The following TBC1D9B variants were observed in gnomAD, a reference collection of about 807,000 sequenced individuals.
The protein encoded by TBC1D9B is TBC1 domain family, member 9B (with GRAM domain).
TBC1D9B carries 87 observed loss-of-function variants against 121.1 expected under a neutral mutation model. The observed-to-expected ratio is 0.72, with a 90% CI of 0.60 to 0.86. TBC1D9B has a LOEUF of 0.86. Among genes scored for constraint, TBC1D9B ranks in the 40% least tolerant of loss-of-function variants. The pLI is 0.00. For missense variants in TBC1D9B, 1,540 were observed against 1,628.6 expected, an observed-to-expected ratio of 0.95 and a Z score of 0.94; for synonymous variants, 668 against 670.1, an observed-to-expected ratio of 1.00 and a Z score of 0.05.
At chr5:179,901,765 C>T (rs910539203) in intron 2 of TBC1D9B, among the ~76,000 whole-genome samples, 1 of 152,018 alleles carries the variant, frequency 6.6e-6, no homozygotes, top group African/African-American at 2.4e-5. Flanking sequence ...GAGAACGCCT[C>T]AAAAAAACAT....
Position 179,904,472 on chromosome 5 carries a change from G to A in TBC1D9B, c.229+230C>T, listed in dbSNP as rs1278398418. 9.2e-5 allele frequency among the ~76,000 whole-genome samples: 14 copies of A among 152,026 alleles called. No individual in the cohort carries two copies. Among genetic ancestry groups the A allele is most frequent in the Non-Finnish European group, 1.5e-4 (10 of 67,994 alleles). ...GATCTCCTGACCTCGTGATCAGCCC[G>A]CCTCGGCCTCCCAAAGTGCTGGGAT... On this transcript the variant is annotated intron_variant, in intron 2 of 20. Transcript: ENST00000355235. The surrounding 1 kb of genome is among the most constrained non-coding windows in gnomAD (Gnocchi z 4.2).
rs141821788 is a variant in TBC1D9B at position 179,888,144 on chromosome 5, T to C, written c.1213A>G (p.Ile405Val). Residue 405 changes from isoleucine to valine, a missense_variant, in exon 7 of 21, where the codon ATC becomes GTC. By Grantham distance (29) the Ile-to-Val change is conservative. Coordinates refer to ENST00000355235, the MANE Select transcript of TBC1D9B (RefSeq NM_015043.4). Reference sequence around the variant, plus strand: ...ACAACACTGGCTTTCCTGCTCCCGATACTGCCTGGCTGCTTGGATGGTGTT... The same window carrying C: ...ACAACACTGGCTTTCCTGCTCCCGACACTGCCTGGCTGCTTGGATGGTGTT... ...QKTPSKQPGS[I>V]GSRKASVVDP... 112 of 1,613,762 alleles carry C rather than the reference T, an allele frequency of 6.9e-5. No individual in the cohort carries two copies. The highest frequency in any genetic ancestry group is 1.6e-4 in the Middle Eastern group (1 of 6,074).
Position 179,904,570 on chromosome 5 carries a change from C to T in TBC1D9B, c.229+132G>A, listed in dbSNP as rs761877674. The T allele has an allele frequency of 1.2e-6, 1 of 804,730 alleles. No homozygotes were observed. The highest frequency in any genetic ancestry group is 1.7e-5 in the South Asian group (1 of 59,984). The allele number at this position is 804,730 out of a possible 1,614,324, so 49.8% of individuals were successfully genotyped here. On this transcript the variant is annotated intron_variant, in intron 2 of 20. Coordinates refer to ENST00000355235, the MANE Select transcript of TBC1D9B (RefSeq NM_015043.4). The surrounding 1 kb of genome is among the most constrained non-coding windows in gnomAD (Gnocchi z 4.2). ...TGGAAGCGAAGGCTCCTCCACTTCCCTCTTGCAGCCTTGGGCTATGCTGTC... is the reference window on the plus strand; with the variant it reads ...TGGAAGCGAAGGCTCCTCCACTTCCTTCTTGCAGCCTTGGGCTATGCTGTC...
In TBC1D9B at chr5:179,879,656, G is replaced by A. The variant is rs146223425; in HGVS notation, c.1388C>T (p.Ser463Leu). ...QGLLKLFQKNSPMEDLGAKGA... is the reference protein window; with the variant it reads ...QGLLKLFQKNLPMEDLGAKGA... ...CTTGGCTCCAAGGTCCTCCATGGGC[G>A]AGTTTTTCTGGAAGAGCTTCAGCAG... The change falls in exon 8 of 21, where the codon TCG (serine) becomes TTG (leucine). Residue 463 changes from serine to leucine, a missense_variant. Coordinates refer to ENST00000355235, the MANE Select transcript of TBC1D9B (RefSeq NM_015043.4). 25 of 1,613,992 alleles carry A rather than the reference G, an allele frequency of 1.5e-5. No homozygotes were observed. Among genetic ancestry groups the A allele is most frequent in the South Asian group, 3.3e-5 (3 of 91,078 alleles).
intron 2 of TBC1D9B, among the ~76,000 whole-genome samples, chr5:179,903,071 C>T (rs1761206779): frequency 6.6e-6 from 1 of 152,182 alleles, no homozygotes; most frequent in Non-Finnish European, 1.5e-5. Context: ...GTGAGGTTGA[C>T]AAACTTTTGA....
rs1349388364 is a variant in TBC1D9B, at chr5:179,904,176, G to A, written c.229+526C>T. Among the ~76,000 whole-genome samples, 1 of 151,768 alleles carries A rather than the reference G, an allele frequency of 6.6e-6. No individual in the cohort carries two copies. Among genetic ancestry groups the A allele is most frequent in the East Asian group, 1.9e-4 (1 of 5,184 alleles). On this transcript the variant is annotated intron_variant, in intron 2 of 20. Coordinates refer to ENST00000355235, the MANE Select transcript of TBC1D9B (RefSeq NM_015043.4). The surrounding 1 kb of genome is among the most constrained non-coding windows in gnomAD (Gnocchi z 4.2). The stretch of plus-strand genomic sequence containing the variant: ...TCCCTAGAGGTACATGGGGATCCAT[G>A]GGGCTGTCCTCTCCTGCCCTGTCCC...
chr5:179,903,590 A>G (rs1476486303), intron 2 of TBC1D9B, among the ~76,000 whole-genome samples: 1 of 152,204 alleles, frequency 6.6e-6, no homozygotes, highest in African/African-American at 2.4e-5. Context: ...TGACCGATAC[A>G]TAACTGTTTT....
At chr5:179,895,834 AG>A (rs944196553) in intron 3 of TBC1D9B, among the ~76,000 whole-genome samples, 3 of 152,246 alleles carry the variant, frequency 2.0e-5, no homozygotes, top group African/African-American at 7.2e-5. Flanking sequence ...CTGAGTAGCC[AG>A]GGAAGGAAAC....
chr5:179,893,734 C>T (rs1261935054), intron 4 of TBC1D9B, among the ~76,000 whole-genome samples: 1 of 152,190 alleles, frequency 6.6e-6, no homozygotes, highest in Non-Finnish European at 1.5e-5. Flanking sequence ...CGGAGGTGAA[C>T]CACCGAGACC....
chr5:179,880,566 T>C (rs1760511991), intron 7 of TBC1D9B, among the ~76,000 whole-genome samples: 1 of 152,136 alleles, frequency 6.6e-6, no homozygotes, highest in East Asian at 1.9e-4. Context: ...CTGGGCGCCC[T>C]CCTAAAACAC....
chr5:179,891,954 C>T lies in TBC1D9B; in HGVS notation c.837-368G>A, dbSNP rs367754591. Among the ~76,000 whole-genome samples, 70 of 152,266 alleles carry T rather than the reference C, an allele frequency of 4.6e-4. No individual in the cohort carries two copies. The highest frequency in any genetic ancestry group is 3.4e-3 in the Middle Eastern group (1 of 294). On this transcript the variant is annotated intron_variant, in intron 5 of 20. Coordinates refer to ENST00000355235, the MANE Select transcript of TBC1D9B (RefSeq NM_015043.4). The surrounding 1 kb of genome is among the most constrained non-coding windows in gnomAD (Gnocchi z 4.3). ...TGGATCCCACTCAGATGGAGGGCCC[C>T]GGGCAGCTCTTCCACCCTGGGCAGG...
rs1175673558 is a variant in TBC1D9B at position 179,871,488 on chromosome 5, G to A, written c.2458C>T (p.Leu820=). The A allele has an allele frequency of 6.2e-7, 1 of 1,613,270 alleles. No homozygotes were observed. Residue 820 remains leucine, a synonymous_variant, in exon 15 of 21, where the codon CTG becomes TTG. Transcript: ENST00000355235. The part of the protein sequence containing the change: ...PVDIGFSIEE[L]EDLYMVFKAK... ...TTAAACACCATGTAAAGGTCCTCCA[G>A]CTCTTCAATGGAGAAACCAATGTCC...
intron 3 of TBC1D9B, among the ~76,000 whole-genome samples, chr5:179,895,954 C>T (rs1335768307): frequency 6.6e-6 from 1 of 152,248 alleles, no homozygotes; most frequent in African/African-American, 2.4e-5. Flanking sequence ...CTCCCTCCCC[C>T]TTTCTGCCTA....
chr5:179,869,392 C>G (rs1052375634), intron 17 of TBC1D9B: 1 of 379,460 alleles, frequency 2.6e-6, no homozygotes, highest in African/African-American at 2.1e-5. Context: ...ACAGGATTCT[C>G]TAGCTGAAAC....
intron 3 of TBC1D9B, among the ~76,000 whole-genome samples, chr5:179,898,169 T>C (rs918710776): frequency 3.3e-5 from 5 of 151,474 alleles, no homozygotes; most frequent in African/African-American, 1.2e-4. Flanking sequence ...TTTTTTTTTT[T>C]GAGACGAAGT....
intron 18 of TBC1D9B, chr5:179,867,271 G>T: frequency 1.4e-6 from 1 of 697,824 alleles, no homozygotes; most frequent in South Asian, 2.3e-5. Flanking sequence ...CCCACCTACA[G>T]CAGACACGGA....
Position 179,867,764 on chromosome 5 carries a change from C to T in TBC1D9B, c.2863+14G>A. Reference sequence around the variant, plus strand: ...TGCTGGCTGGGCATGTCGGGTGTTCCAGTGGCCGCTCACCTTCTGAGGAGC... The same window carrying T: ...TGCTGGCTGGGCATGTCGGGTGTTCTAGTGGCCGCTCACCTTCTGAGGAGC... On this transcript the variant is annotated intron_variant, in intron 18 of 20. Coordinates refer to ENST00000355235, the MANE Select transcript of TBC1D9B (RefSeq NM_015043.4). 5 of 1,590,688 alleles carry T rather than the reference C, an allele frequency of 3.1e-6. No homozygotes were observed. Among genetic ancestry groups the T allele is most frequent in the South Asian group, 1.1e-5 (1 of 88,044 alleles).
chr5:179,865,283 T>A lies in TBC1D9B; in HGVS notation c.2992A>T (p.Thr998Ser). Residue 998 changes from threonine (T) to serine (S), a missense_variant, in exon 20 of 21, where the codon ACG becomes TCG. Physicochemically the swap from Thr to Ser is moderately conservative, Grantham distance 58. Transcript: ENST00000355235. The surrounding 1 kb of genome is among the most constrained non-coding windows in gnomAD (Gnocchi z 5.1). Reference sequence around the variant, plus strand: ...TTCATCTTGGGAAGATCCTTAATCGTCTCCTTCTGAGCCTCTTTCTCCTTG... The same window carrying A: ...TTCATCTTGGGAAGATCCTTAATCGACTCCTTCTGAGCCTCTTTCTCCTTG... ...WAKEKEAQKETIKDLPKMNQE... is the reference protein window; with the variant it reads ...WAKEKEAQKESIKDLPKMNQE... The A allele has an allele frequency of 1.9e-6, 3 of 1,614,112 alleles. No homozygotes were observed. The highest frequency in any genetic ancestry group is 2.5e-6 in the Non-Finnish European group (3 of 1,180,016).
Position 179,907,870 on chromosome 5 carries a change from C to T in TBC1D9B, c.-49G>A. ...GAGGCCCGCGAGACGGAAGCGCCCG[C>T]CGCCGTCGGCGTCCCGGAGCGGAGC... is the stretch of plus-strand genomic sequence containing the variant. On this transcript the variant is annotated 5_prime_UTR_variant, in exon 1 of 21. Coordinates refer to ENST00000355235, the MANE Select transcript of TBC1D9B (RefSeq NM_015043.4). This position sits in a 1 kb window ranked among gnomAD's most constrained non-coding sequence, Gnocchi z 5.3. The T allele has an allele frequency of 1.0e-6, 1 of 990,414 alleles. No homozygotes were observed. The highest frequency in any genetic ancestry group is 3.6e-5 in the South Asian group (1 of 27,624). The allele number at this position is 990,414 out of a possible 1,614,324, so 61.4% of individuals were successfully genotyped here. A position where few individuals can be genotyped will look rare whatever the true frequency, so the allele number is the denominator to read the frequency against.
Sources: allele counts gnomAD v4.1 joint callset (sites outside exome capture counted in the v4.1 genomes callset), GRCh38; gene constraint gnomAD v4.1.1; non-coding constraint Gnocchi (gnomAD v3.1); transcripts MANE v1.5; gene names NCBI Gene and HGNC (gene_info 2026-07-23, HGNC 2026-07-21).